The following SPON2 variants were observed in gnomAD, a reference collection of about 807,000 sequenced individuals.
SPON2 encodes the protein spondin-2.
In SPON2, 32 loss-of-function variants were observed where a neutral mutation model predicts 29.9. The observed-to-expected ratio is 1.07, with a 90% confidence interval of 0.81 to 1.44. The LOEUF is 1.44. Among genes scored for constraint, SPON2 ranks in the 40% most tolerant of loss-of-function variants. SPON2 has a pLI of 0.00. For missense variants in SPON2, 541 were observed against 455.5 expected, an observed-to-expected ratio of 1.19 and a Z score of -1.71; for synonymous variants, 248 against 209.1, an observed-to-expected ratio of 1.19 and a Z score of -1.61.
chr4:1,177,866 C>T (rs73067786), upstream of SPON2, among the ~76,000 whole-genome samples: 3,138 of 152,268 alleles, frequency 0.021, 126 homozygotes, highest in African/African-American at 0.071. Flanking sequence ...CCCACGGGAG[C>T]GGCCGTCTCC....
intron 1 of SPON2, among the ~76,000 whole-genome samples, chr4:1,204,215 A>G (rs144351054): frequency 6.6e-6 from 1 of 152,262 alleles, no homozygotes; most frequent in African/African-American, 2.4e-5. Flanking sequence ...TTATCTTTGT[A>G]TTGCTGAGCT....
At chr4:1,206,321 C>A (rs1445436321) in intron 1 of SPON2, among the ~76,000 whole-genome samples, 1 of 152,238 alleles carries the variant, frequency 6.6e-6, no homozygotes, top group Non-Finnish European at 1.5e-5. Flanking sequence ...CAGCCCCCAG[C>A]TCCCCTGGGC....
intron 5 of SPON2, 24 bp downstream of exon 5, chr4:1,170,378 C>T (rs534495940): frequency 6.2e-7 from 1 of 1,602,622 alleles, no homozygotes; most frequent in Non-Finnish European, 8.5e-7. Flanking sequence ...GCTGTGTGTC[C>T]CATGTGACCT....
At chr4:1,197,713 T>G (rs977560260), upstream of SPON2, among the ~76,000 whole-genome samples, 3 of 151,800 alleles carry the variant, frequency 2.0e-5, no homozygotes, top group African/African-American at 7.3e-5. Flanking sequence ...CTGAAAGAAA[T>G]AAAATAAAAT....
chr4:1,203,612 C>T (rs754157017), intron 1 of SPON2, among the ~76,000 whole-genome samples: 8 of 152,040 alleles, frequency 5.3e-5, no homozygotes, highest in East Asian at 1.9e-4. Flanking sequence ...TTCTCGGGGA[C>T]GTGTACCCAG....
At chr4:1,176,462 G>A (rs374254067), upstream of SPON2, among the ~76,000 whole-genome samples, 33 of 152,086 alleles carry the variant, frequency 2.2e-4, no homozygotes, top group East Asian at 6.2e-3. Context: ...CACTCACACA[G>A]TACATTCATT....
intron 1 of SPON2, among the ~76,000 whole-genome samples, chr4:1,205,310 C>G (rs1728314084): frequency 6.6e-6 from 1 of 152,222 alleles, no homozygotes; most frequent in African/African-American, 2.4e-5. Context: ...GTGGCGCTGG[C>G]TGAGGCCCGA....
chr4:1,206,314 C>A (rs1331872100), intron 1 of SPON2, among the ~76,000 whole-genome samples: 2 of 152,348 alleles, frequency 1.3e-5, no homozygotes, highest in African/African-American at 2.4e-5. Flanking sequence ...CCGGCTGCAG[C>A]CCCCAGCTCC....
chr4:1,187,785 C>G (rs1046340911), intron 1 of SPON2, among the ~76,000 whole-genome samples: 1 of 152,068 alleles, frequency 6.6e-6, no homozygotes, highest in Non-Finnish European at 1.5e-5. Flanking sequence ...GCACAGATGT[C>G]TAATCATCAC....
At chr4:1,206,452 C>T (rs550881059) in intron 1 of SPON2, among the ~76,000 whole-genome samples, 10 of 152,356 alleles carry the variant, frequency 6.6e-5, no homozygotes, top group Middle Eastern at 6.8e-3. Context: ...CAGAGGGCCA[C>T]GCTGTGACAG....
At chr4:1,175,751 G>A (rs1306878817), upstream of SPON2, among the ~76,000 whole-genome samples, 3 of 151,990 alleles carry the variant, frequency 2.0e-5, no homozygotes, top group East Asian at 1.9e-4. Context: ...CCCAGGCCTC[G>A]GGGGCTTCAG....
intron 2 of SPON2, among the ~76,000 whole-genome samples, chr4:1,179,132 G>T (rs1330303344): frequency 1.3e-5 from 2 of 152,202 alleles, no homozygotes; most frequent in East Asian, 3.9e-4. Context: ...TCATCCCCCT[G>T]CTCTTCTCTG....
upstream of SPON2, among the ~76,000 whole-genome samples, chr4:1,176,480 TCACACAGTACATTCATGCAATCATC>T (rs1416607957): frequency 1.3e-5 from 2 of 152,194 alleles, no homozygotes; most frequent in African/African-American, 2.4e-5. Flanking sequence ...ATTCATCCAT[TCACACAGTACATTCATGCAATCATC>T]CACACAGTAC....
rs1207067039 is a variant in SPON2 at position 1,202,664 on chromosome 4, T to G, written c.-234+5216A>C. Among the ~76,000 whole-genome samples the G allele has an allele frequency of 6.6e-6, 1 of 151,778 alleles. No homozygotes were observed. The highest frequency in any genetic ancestry group is 2.0e-4 in the East Asian group (1 of 5,126). On this transcript the variant is annotated intron_variant, in intron 1 of 3. Transcript: ENST00000509233. This position sits in a 1 kb window ranked among gnomAD's most constrained non-coding sequence, Gnocchi z 5.4. ...CGCTGGTGGCCCTGCAGTCCTGGGG[T>G]CTCGGAGGCAGCCCCCACCTCAGCT...
intron 1 of SPON2, chr4:1,200,876 A>C (rs1354145326): frequency 1.8e-5 from 8 of 456,532 alleles, no homozygotes; most frequent in Admixed American, 1.4e-4. Context: ...ACCAGGCCTG[A>C]CCCTGACCAC....
intron 1 of SPON2, among the ~76,000 whole-genome samples, chr4:1,203,422 C>T (rs1262138032): frequency 6.6e-6 from 1 of 152,200 alleles, no homozygotes; most frequent in Admixed American, 6.5e-5. Flanking sequence ...CACTTTGGAG[C>T]ATGGGCCAGA....
intron 1 of SPON2, among the ~76,000 whole-genome samples, chr4:1,204,413 G>T (rs1728289377): frequency 6.6e-6 from 1 of 152,168 alleles, no homozygotes; most frequent in African/African-American, 2.4e-5. Flanking sequence ...AGACCCGGGA[G>T]GGTGGCTTTG....
At chr4:1,204,316 G>C (rs1728286795) in intron 1 of SPON2, among the ~76,000 whole-genome samples, 1 of 152,200 alleles carries the variant, frequency 6.6e-6, no homozygotes, top group Non-Finnish European at 1.5e-5. Context: ...GAAATGCAGA[G>C]AAATGCTACT....
At chr4:1,186,422 A>G (rs1045334365) in intron 1 of SPON2, among the ~76,000 whole-genome samples, 13 of 151,812 alleles carry the variant, frequency 8.6e-5, no homozygotes, top group African/African-American at 2.9e-4. Context: ...TCCTGTCTCA[A>G]CCTCCCAAGT....
Sources: allele counts gnomAD v4.1 joint callset (sites outside exome capture counted in the v4.1 genomes callset), GRCh38; gene constraint gnomAD v4.1.1; non-coding constraint Gnocchi (gnomAD v3.1); transcripts MANE v1.5; gene names NCBI Gene and HGNC (gene_info 2026-07-23, HGNC 2026-07-21).